The following UBR4 variants were observed in gnomAD, a reference collection of about 807,000 sequenced individuals.
UBR4 encodes the protein ubiquitin protein ligase E3 component n-recognin 4.
Under a neutral mutation model 575.6 loss-of-function variants are expected in UBR4, and 124 were observed. That is an observed-to-expected ratio of 0.22 (90% CI 0.19 to 0.25). The LOEUF (loss-of-function observed/expected upper bound fraction) is 0.25, where lower values mean the gene tolerates loss of function less well. UBR4 is among the 10% of genes least tolerant of loss of function. The pLI, the probability that UBR4 is intolerant of heterozygous loss-of-function variation, is 1.00. For synonymous variants in UBR4, 2,455 were observed against 2,473.7 expected, an observed-to-expected ratio of 0.99 and a Z score of 0.22; for missense variants, 4,818 against 6,478.8, an observed-to-expected ratio of 0.74 and a Z score of 8.80.
chr1:19,106,027 T>C (rs187763421), intron 83 of UBR4, among the ~76,000 whole-genome samples, 185 bp from the exon 84 acceptor site: 1 of 152,234 alleles, frequency 6.6e-6, no homozygotes, highest in Admixed American at 6.5e-5. Flanking sequence ...GGAAAGGGGC[T>C]GTGAAAGAGC....
intron 103 of UBR4, chr1:19,080,972 AC>A (rs1246779048): frequency 3.9e-5 from 7 of 180,952 alleles, no homozygotes; most frequent in Non-Finnish European, 8.2e-5. Flanking sequence ...ATTAGAAAAT[AC>A]CCCATGTGGC....
chr1:19,144,936 ATCTGGAGG>A (rs1453323965), intron 53 of UBR4, 29 bp from the exon 54 acceptor site: 1 of 1,611,390 alleles, frequency 6.2e-7, no homozygotes, highest in African/African-American at 1.3e-5. Context: ...TTATTTGAAA[ATCTGGAGG>A]AAAAAACTCT....
chr1:19,188,016 C>T (rs947535455), intron 11 of UBR4, among the ~76,000 whole-genome samples: 4 of 143,678 alleles, frequency 2.8e-5, no homozygotes, highest in Non-Finnish European at 6.1e-5. Flanking sequence ...AAGACCTTGT[C>T]TCAAAACAAA....
chr1:19,117,542 TG>T lies in UBR4; in HGVS notation c.10630-129del. ...CTATTTAATTTTTTAAAAAATATTTTGTAGAGATGGGGTCTCACCATCTTGC... is the reference window on the plus strand; with the variant it reads ...CTATTTAATTTTTTAAAAAATATTTTTAGAGATGGGGTCTCACCATCTTGC... On this transcript the variant is annotated intron_variant, in intron 72 of 105. Transcript: ENST00000375254. The surrounding 1 kb of genome is among the most constrained non-coding windows in gnomAD (Gnocchi z 4.0). 3.5e-6 allele frequency: 4 copies of T among 1,139,638 alleles called. No homozygotes were observed. Among genetic ancestry groups the T allele is most frequent in the Non-Finnish European group, 4.9e-6 (4 of 819,588 alleles). 70.6% of individuals were successfully genotyped at this position (1,139,638 alleles called of 1,614,324 possible).
chr1:19,202,765 TA>T (rs918100500), intron 1 of UBR4, among the ~76,000 whole-genome samples: 1 of 152,184 alleles, frequency 6.6e-6, no homozygotes, highest in African/African-American at 2.4e-5. Flanking sequence ...AATCAGGTGC[TA>T]ATCCACAATT....
rs2151614005 is a variant in UBR4, at chr1:19,198,059, A to C, written c.649-10T>G. The C allele has an allele frequency of 6.2e-7, 1 of 1,612,684 alleles. No homozygotes were observed. Among genetic ancestry groups the C allele is most frequent in the East Asian group, 2.2e-5 (1 of 44,886 alleles). Reference sequence around the variant, plus strand: ...CATTTTCTCCTTCCACCTGAAAAGAAACATAAGGCCTGTCAAGATACTATT... The same window carrying C: ...CATTTTCTCCTTCCACCTGAAAAGACACATAAGGCCTGTCAAGATACTATT... On this transcript the variant is annotated splice_polypyrimidine_tract_variant and intron_variant, in intron 5 of 105. Transcript: ENST00000375254.
Position 19,173,569 on chromosome 1 carries a change from A to G in UBR4, c.3035T>C (p.Ile1012Thr), listed in dbSNP as rs769686537. Reference sequence around the variant, plus strand: ...AATGTAAGTCTTTGATGGTGGTAAAATTCCTAGGATCCTCCACAGTATCAA... The same window carrying G: ...AATGTAAGTCTTTGATGGTGGTAAAGTTCCTAGGATCCTCCACAGTATCAA... ...YFLILWRILG[I>T]LPPSKTYINQ... The change falls in exon 23 of 106, where the codon ATT becomes ACT. Residue 1012 changes from isoleucine (I) to threonine (T), a missense_variant. This residue lies in a region of UBR4 where 1,172 missense variants were observed against 1,259.7 expected (regional missense o/e 0.93). Transcript: ENST00000375254. The G allele has an allele frequency of 1.9e-6, 3 of 1,614,164 alleles. No homozygotes were observed. Among genetic ancestry groups the G allele is most frequent in the Non-Finnish European group, 1.7e-6 (2 of 1,180,028 alleles).
Position 19,081,722 on chromosome 1 carries a change from T to C in UBR4, c.15009-149A>G, listed in dbSNP as rs923988262. The C allele has an allele frequency of 3.6e-6, 3 of 842,992 alleles. No homozygotes were observed. The African/African-American group carries it at 5.0e-5, about 14-fold the overall frequency. The allele number at this position is 842,992 out of a possible 1,614,324, so 52.2% of individuals were successfully genotyped here. ...ACACTCCCCACCCATCCTTGCCGAC[T>C]ACTCCCACTTCCTCTGATAATCCAC... On this transcript the variant is annotated intron_variant, in intron 102 of 105. Coordinates refer to ENST00000375254, the MANE Select transcript of UBR4 (RefSeq NM_020765.3).
rs766950470 is a variant in UBR4 at position 19,112,851 on chromosome 1, C to T, written c.11474G>A (p.Arg3825His). ...TAGGTCATATTCCAACAACTCTTTGCGCGAAGCAAAGACTTTCTAAGAACA... is the reference window on the plus strand; with the variant it reads ...TAGGTCATATTCCAACAACTCTTTGTGCGAAGCAAAGACTTTCTAAGAACA... ...SKIIQKVFAS[R>H]KELLEYDLQQ... The change falls in exon 78 of 106, where the codon CGC becomes CAC. Residue 3825 changes from arginine (R) to histidine (H), a missense_variant. Arg to His is a conservative substitution (Grantham distance 29). This residue lies in a region of UBR4 where 333 missense variants were observed against 459.2 expected (regional missense o/e 0.73). Coordinates refer to ENST00000375254, the MANE Select transcript of UBR4 (RefSeq NM_020765.3). 9 of 1,582,522 alleles carry T rather than the reference C, an allele frequency of 5.7e-6. No individual in the cohort carries two copies. Among genetic ancestry groups the T allele is most frequent in the East Asian group, 2.3e-5 (1 of 44,152 alleles).
At position 19,193,485 on chromosome 1, in the gene UBR4, C is replaced by T. The variant is rs1358447823; in HGVS notation, c.1091G>A (p.Ser364Asn). ...SAQQVRTGST[S>N]SKEDDYESDA... is the part of the protein sequence containing the mutation. ...ACTTTCATAGTCATCTTCTTTGGAG[C>T]TCGTGGACCCTGTCCGCACTTGCTG... is the stretch of plus-strand genomic sequence containing the variant. The change falls in exon 9 of 106, where the codon AGC (serine) becomes AAC (asparagine). Residue 364 changes from serine (S) to asparagine (N), a missense_variant. Physicochemically the swap from Ser to Asn is conservative, Grantham distance 46. Around this residue, in one of 29 missense-constraint regions of UBR4, gnomAD observed 131 missense variants for 214.5 expected, o/e 0.61. Transcript: ENST00000375254. 3 of 1,614,194 alleles carry T rather than the reference C, an allele frequency of 1.9e-6. No homozygotes were observed. Among genetic ancestry groups the T allele is most frequent in the South Asian group, 1.1e-5 (1 of 91,080 alleles).
chr1:19,119,402 T>C (rs1435329973), intron 70 of UBR4, among the ~76,000 whole-genome samples, 155 bp downstream of exon 70: 2 of 152,240 alleles, frequency 1.3e-5, no homozygotes, highest in Admixed American at 6.5e-5. Flanking sequence ...ACAGACATAT[T>C]ACGAGTGCTT....
At chr1:19,165,908 C>A (rs1571339927) in intron 29 of UBR4, 151 bp from the exon 30 acceptor site, 2 of 619,160 alleles carry the variant, frequency 3.2e-6, no homozygotes, top group Non-Finnish European at 5.6e-6. Flanking sequence ...AAGCCTGGCA[C>A]AAAGTAGGTG....
Position 19,122,828 on chromosome 1 carries a change from C to T in UBR4, c.9816+5G>A, listed in dbSNP as rs767949679. On this transcript the variant is annotated splice_donor_5th_base_variant and intron_variant, in intron 66 of 105. Coordinates refer to ENST00000375254, the MANE Select transcript of UBR4 (RefSeq NM_020765.3). ...CCCTGCCCTACCAGGTCCCAGCCCTCGTACCAGGCTGATGAGTGTGTCATA... is the reference window on the plus strand; with the variant it reads ...CCCTGCCCTACCAGGTCCCAGCCCTTGTACCAGGCTGATGAGTGTGTCATA... 7 of 1,614,162 alleles carry T rather than the reference C, an allele frequency of 4.3e-6. No homozygotes were observed. The highest frequency in any genetic ancestry group is 1.1e-5 in the South Asian group (1 of 91,076).
chr1:19,117,740 A>G lies in UBR4; in HGVS notation c.10629+83T>C, dbSNP rs1042023302. ...ACCAACCATTAGGAGAGGAACATCT[A>G]TGTGATAATGATCCATCTCTGGAAA... On this transcript the variant is annotated intron_variant, in intron 72 of 105. Coordinates refer to ENST00000375254, the MANE Select transcript of UBR4 (RefSeq NM_020765.3). The surrounding 1 kb of genome is among the most constrained non-coding windows in gnomAD (Gnocchi z 4.0). The G allele has an allele frequency of 8.5e-6, 11 of 1,291,572 alleles. No homozygotes were observed. The African/African-American group carries it at 1.2e-4, about 14-fold the overall frequency. The allele number at this position is 1,291,572 out of a possible 1,614,324, so 80.0% of individuals were successfully genotyped here.
rs200036836 is a variant in UBR4 at position 19,120,242 on chromosome 1, C to T, written c.10248G>A (p.Leu3416=). 1.7e-5 allele frequency: 28 copies of T among 1,614,064 alleles called. No individual in the cohort carries two copies. In the Middle Eastern group the frequency reaches 8.2e-4, roughly 47 times the overall value. The change falls in exon 69 of 106, where the codon CTG becomes CTA. Residue 3416 remains leucine (L), a synonymous_variant. Coordinates refer to ENST00000375254, the MANE Select transcript of UBR4 (RefSeq NM_020765.3). ...ETLIQFLRCF[L]LESNSSSVRW... is the part of the protein sequence containing the mutation. ...GCACCGAGGAAGAATTGGACTCTAA[C>T]AGGAAACAACGCAGGAACTGGATCA...
chr1:19,204,527 TA>T (rs142907721), intron 1 of UBR4, among the ~76,000 whole-genome samples: 26 of 145,574 alleles, frequency 1.8e-4, no homozygotes, highest in South Asian at 1.5e-3. Flanking sequence ...ATGAAATATA[TA>T]AAAAAAAATA....
intron 20 of UBR4, among the ~76,000 whole-genome samples, chr1:19,176,090 A>G (rs568028418): frequency 6.0e-4 from 86 of 143,488 alleles, no homozygotes; most frequent in African/African-American, 2.0e-3. Context: ...CTCAGCCTCA[A>G]TTTTTTTTTT....
chr1:19,209,208 G>A (rs1250787540), intron 1 of UBR4, among the ~76,000 whole-genome samples: 1 of 152,182 alleles, frequency 6.6e-6, no homozygotes, highest in Non-Finnish European at 1.5e-5. Flanking sequence ...CAATTGCAGG[G>A]AGTTGCTGAA....
At chr1:19,187,099 T>TAAAA in intron 13 of UBR4, 65 bp downstream of exon 13, 1 of 1,021,314 alleles carries the variant, frequency 9.8e-7, no homozygotes, top group Non-Finnish European at 1.3e-6. Context: ...TATATATACA[T>TAAAA]ATATATATCA....
Sources: gnomAD v4.1 joint callset for allele counts (sites outside exome capture counted in the v4.1 genomes callset) on GRCh38, gnomAD v4.1.1 for gene constraint, gnomAD v4.1.1 regional missense constraint, Gnocchi (gnomAD v3.1) non-coding constraint, MANE v1.5 for transcripts, NCBI Gene and HGNC (gene_info 2026-07-23, HGNC 2026-07-21) for gene names.